The following SUGCT variants were observed in gnomAD, a reference collection of about 807,000 sequenced individuals.
The protein encoded by SUGCT is succinyl-CoA:glutarate CoA-transferase.
Under a neutral mutation model 55.0 loss-of-function variants are expected in SUGCT, and 41 were observed. The ratio of observed to expected loss-of-function variants is 0.74; its 90% CI spans 0.58 to 0.97. The LOEUF is 0.97. Among genes scored for constraint, SUGCT ranks in the 50% least tolerant of loss-of-function variants. SUGCT has a pLI of 0.00. For synonymous variants in SUGCT, 187 were observed against 200.4 expected (o/e 0.93, Z 0.56); for missense variants, 568 against 547.8 (o/e 1.04, Z -0.37).
At chr7:40,758,149 T>C (rs1044238785) in intron 13 of SUGCT, among the ~76,000 whole-genome samples, 1 of 151,772 alleles carries the variant, frequency 6.6e-6, no homozygotes, top group Non-Finnish European at 1.5e-5. Flanking sequence ...GCTTTATGGT[T>C]GGGTTTATTC....
intron 9 of SUGCT, among the ~76,000 whole-genome samples, chr7:40,343,669 T>G (rs1266733557): frequency 6.6e-6 from 1 of 152,116 alleles, no homozygotes; most frequent in Non-Finnish European, 1.5e-5. Flanking sequence ...ATTATTATTT[T>G]TTTTTGAGAT....
At chr7:40,436,350 G>A (rs1304907518) in intron 9 of SUGCT, among the ~76,000 whole-genome samples, 1 of 152,070 alleles carries the variant, frequency 6.6e-6, no homozygotes, top group Non-Finnish European at 1.5e-5. Flanking sequence ...TAGTGGGCAG[G>A]CCTAATTTCA....
intron 12 of SUGCT, among the ~76,000 whole-genome samples, chr7:40,734,955 C>T (rs750283301): frequency 6.6e-6 from 1 of 152,082 alleles, no homozygotes. Flanking sequence ...ATATATACAA[C>T]CTCCTGACCT....
chr7:40,524,755 A>G (rs1205056995), intron 12 of SUGCT, among the ~76,000 whole-genome samples: 1 of 152,154 alleles, frequency 6.6e-6, no homozygotes, highest in Non-Finnish European at 1.5e-5. Context: ...GTTTTTTAAT[A>G]GTTACATTTG....
chr7:40,181,030 T>C (rs1293070403), intron 2 of SUGCT, 32 bp downstream of exon 2: 2 of 1,523,172 alleles, frequency 1.3e-6, no homozygotes, highest in African/African-American at 2.7e-5. Flanking sequence ...TTTTGGTGAT[T>C]GGGTTTTTCC....
At chr7:40,367,278 G>T (rs866500520) in intron 9 of SUGCT, among the ~76,000 whole-genome samples, 8 of 127,346 alleles carry the variant, frequency 6.3e-5, no homozygotes, top group Admixed American at 4.2e-4. Flanking sequence ...GGTGGGGGGA[G>T]GGGGGGAGGA....
chr7:40,268,596 TA>T (rs1260193599), intron 7 of SUGCT, among the ~76,000 whole-genome samples: 1 of 152,202 alleles, frequency 6.6e-6, no homozygotes, highest in Non-Finnish European at 1.5e-5. Flanking sequence ...AATGCTGCTA[TA>T]AAAATTTGTG....
intron 8 of SUGCT, among the ~76,000 whole-genome samples, chr7:40,308,747 A>C (rs971594443): frequency 2.0e-5 from 3 of 152,172 alleles, no homozygotes; most frequent in Non-Finnish European, 4.4e-5. Flanking sequence ...ACAGTGACTC[A>C]TGCCTGTAAT....
intron 12 of SUGCT, among the ~76,000 whole-genome samples, chr7:40,649,752 C>T (rs1333627728): frequency 6.6e-6 from 1 of 152,140 alleles, no homozygotes; most frequent in African/African-American, 2.4e-5. Context: ...GAGTAATTTT[C>T]AGTTATTCAA....
At chr7:40,724,596 G>A (rs1343069569) in intron 12 of SUGCT, among the ~76,000 whole-genome samples, 1 of 151,520 alleles carries the variant, frequency 6.6e-6, no homozygotes, top group Non-Finnish European at 1.5e-5. Context: ...GGGGTTAAAT[G>A]TAATGTCCTG....
At chr7:40,588,434 A>C (rs1797523156) in intron 12 of SUGCT, among the ~76,000 whole-genome samples, 1 of 152,098 alleles carries the variant, frequency 6.6e-6, no homozygotes, top group Non-Finnish European at 1.5e-5. Flanking sequence ...GAGGACCTCA[A>C]AGTATTAACT....
At position 40,336,378 on chromosome 7, in the gene SUGCT, T is replaced by C. The variant is rs536483996; in HGVS notation, c.816+19523T>C. Among the ~76,000 whole-genome samples, 16 of 152,332 alleles carry C rather than the reference T, an allele frequency of 1.1e-4. No homozygotes were observed. In the South Asian group the frequency reaches 2.3e-3, roughly 22 times the overall value. On this transcript the variant is annotated intron_variant, in intron 9 of 13. Coordinates refer to ENST00000335693, the MANE Select transcript of SUGCT (RefSeq NM_001193313.2). The stretch of plus-strand genomic sequence containing the variant: ...ATTCGGCTGTGAATCCATCTAGTCC[T>C]GGACATTTTTTGGTTGATAGGCTAT...
intron 1 of SUGCT, among the ~76,000 whole-genome samples, chr7:40,135,889 T>G (rs1787661402): frequency 6.6e-6 from 1 of 152,136 alleles, no homozygotes; most frequent in African/African-American, 2.4e-5. Flanking sequence ...ATTCCTGACC[T>G]CAAGTTATCC....
intron 12 of SUGCT, among the ~76,000 whole-genome samples, chr7:40,655,302 AT>A: frequency 6.6e-6 from 1 of 152,084 alleles, no homozygotes; most frequent in South Asian, 2.1e-4. Context: ...TCAAAAAAAA[AT>A]TAAAAATTAA....
At chr7:40,296,491 C>A (rs758756729) in intron 8 of SUGCT, among the ~76,000 whole-genome samples, 1 of 152,008 alleles carries the variant, frequency 6.6e-6, no homozygotes, top group Non-Finnish European at 1.5e-5. Context: ...GTACATATTA[C>A]ATTTTATATT....
intron 12 of SUGCT, among the ~76,000 whole-genome samples, chr7:40,575,435 T>G (rs1451909480): frequency 6.6e-6 from 1 of 152,160 alleles, no homozygotes; most frequent in African/African-American, 2.4e-5. Flanking sequence ...ACTACTTGAT[T>G]CAAAATATGG....
chr7:40,255,683 A>G (rs1356672379), intron 7 of SUGCT, among the ~76,000 whole-genome samples: 4 of 150,590 alleles, frequency 2.7e-5, no homozygotes, highest in African/African-American at 9.7e-5. Context: ...AAAAAAAAAA[A>G]AAAAGAAAAT....
chr7:40,135,118 CA>C lies in SUGCT; in HGVS notation c.99del (p.Asp34IlefsTer2). 1 of 1,552,514 alleles carries C rather than the reference CA, an allele frequency of 6.4e-7. No individual in the cohort carries two copies. Among genetic ancestry groups the C allele is most frequent in the Middle Eastern group, 1.7e-4 (1 of 5,882 alleles). On this transcript the variant is annotated frameshift_variant and splice_region_variant, in exon 1 of 14. Coordinates refer to ENST00000335693, the MANE Select transcript of SUGCT (RefSeq NM_001193313.2). LOFTEE classifies it high-confidence loss of function. ...GGGCTGTGGACTGGCCGCCCGCAGT[CA>C]GGTACCCTCCGAGATTCGGTCTGGG... ...GRGLWTGRPQ[S>X]DMNNIKPLEG... is the part of the protein sequence containing the mutation.
At chr7:40,659,683 A>T (rs1160325600) in intron 12 of SUGCT, among the ~76,000 whole-genome samples, 3 of 151,798 alleles carry the variant, frequency 2.0e-5, no homozygotes, top group Non-Finnish European at 4.4e-5. Context: ...AACTTAACTA[A>T]ATGAAAAACA....
Sources: allele counts gnomAD v4.1 joint callset (sites outside exome capture counted in the v4.1 genomes callset), GRCh38; gene constraint gnomAD v4.1.1; transcripts MANE v1.5; gene names NCBI Gene and HGNC (gene_info 2026-07-23, HGNC 2026-07-21).